The following RIF1 variants were observed in gnomAD, a reference collection of about 807,000 sequenced individuals.
RIF1 encodes replication timing regulatory factor 1.
In RIF1, 45 loss-of-function variants were observed where a neutral mutation model predicts 247.1. That is an observed-to-expected ratio of 0.18 (90% CI 0.14 to 0.23). RIF1 has a LOEUF of 0.23. Among genes scored for constraint, RIF1 ranks in the 10% least tolerant of loss-of-function variants. The pLI, the probability that RIF1 is intolerant of heterozygous loss-of-function variation, is 1.00. For missense variants in RIF1, 2,967 were observed against 2,862.5 expected, an observed-to-expected ratio of 1.04 and a Z score of -0.83; for synonymous variants, 1,087 against 978.8, an observed-to-expected ratio of 1.11 and a Z score of -2.06.
chr2:151,453,410 C>G (rs140456010), intron 21 of RIF1, among the ~76,000 whole-genome samples: 2 of 151,938 alleles, frequency 1.3e-5, no homozygotes, highest in Non-Finnish European at 2.9e-5. Context: ...CAACCTGTCT[C>G]TACTAAAAAT....
chr2:151,434,373 T>C (rs1042216500), intron 10 of RIF1, among the ~76,000 whole-genome samples: 1 of 151,084 alleles, frequency 6.6e-6, no homozygotes, highest in Non-Finnish European at 1.5e-5. Flanking sequence ...CATTTAGATA[T>C]AAAGTTTAAT....
chr2:151,419,742 A>G (rs778667004), intron 6 of RIF1, among the ~76,000 whole-genome samples: 18 of 152,218 alleles, frequency 1.2e-4, no homozygotes, highest in Non-Finnish European at 2.5e-4. Flanking sequence ...AGAAACATGA[A>G]TAATGTATTG....
In RIF1 at chr2:151,416,594, A is replaced by G. The variant is rs111667021; in HGVS notation, c.314A>G (p.Asn105Ser). 14 of 1,605,500 alleles carry G rather than the reference A, an allele frequency of 8.7e-6. No individual in the cohort carries two copies. Among genetic ancestry groups the G allele is most frequent in the African/African-American group, 5.4e-5 (4 of 74,520 alleles). The stretch of plus-strand genomic sequence containing the variant: ...GCTCTAGAATTGCTTTCAAAATTGA[A>G]TGATACCATTAAGAATTCAGACAAA... ...ANALELLSKLNDTIKNSDKNV... is the reference protein window; with the variant it reads ...ANALELLSKLSDTIKNSDKNV... The change falls in exon 5 of 36, where the codon AAT becomes AGT. Residue 105 changes from asparagine to serine, a missense_variant. By Grantham distance (46) the Asn-to-Ser change is conservative. Around this residue, in one of 7 missense-constraint regions of RIF1, gnomAD observed 269 missense variants for 288.6 expected, o/e 0.93. Transcript: ENST00000444746.
chr2:151,522,484 A>G, the RIF1 span, among the ~76,000 whole-genome samples: 1 of 152,252 alleles, frequency 6.6e-6, no homozygotes, highest in African/African-American at 2.4e-5. Flanking sequence ...CACATACATT[A>G]GGAGTCCATC....
rs1173543660 is a variant in RIF1, at chr2:151,478,898, G to C, written c.*3827G>C. The C allele has an allele frequency of 3.2e-5, 4 of 125,432 alleles. No individual in the cohort carries two copies. Among genetic ancestry groups the C allele is most frequent in the African/African-American group, 1.2e-4 (4 of 34,458 alleles). 7.8% of individuals were successfully genotyped at this position (125,432 alleles called of 1,614,324 possible). Reference sequence around the variant, plus strand: ...AAAACTTGGGTGGGGGGAGGAGACTGTTTCCTCATTGCTGCAACCCATGGT... The same window carrying C: ...AAAACTTGGGTGGGGGGAGGAGACTCTTTCCTCATTGCTGCAACCCATGGT... On this transcript the variant is annotated 3_prime_UTR_variant, in exon 36 of 36. Transcript: ENST00000444746.
At chr2:151,437,142 AAAC>A in intron 12 of RIF1, 96 bp from the exon 13 acceptor site, 1 of 1,226,144 alleles carries the variant, frequency 8.2e-7, no homozygotes, top group Non-Finnish European at 1.2e-6. Flanking sequence ...TTTTTATAGA[AAAC>A]ACACCTACTT....
At chr2:151,453,954 C>T (rs912703539) in intron 21 of RIF1, among the ~76,000 whole-genome samples, 11 of 152,114 alleles carry the variant, frequency 7.2e-5, no homozygotes, top group Admixed American at 1.3e-4. Flanking sequence ...TTTCATTACC[C>T]TCAATGTATT....
the RIF1 span, chr2:151,531,913 A>G: frequency 1.8e-5 from 28 of 1,518,598 alleles, no homozygotes; most frequent in African/African-American, 3.4e-4. Flanking sequence ...TGTGGAAGAG[A>G]AGAAAGAGCT....
chr2:151,506,965 C>A lies in RIF1; in HGVS notation c.*1027+590C>A, dbSNP rs1553601424. ...CGCAGTATTTCTGGCGTGTCTTGAACAACTGTAATTTTTCCTTTACTGTTT... is the reference window on the plus strand; with the variant it reads ...CGCAGTATTTCTGGCGTGTCTTGAAAAACTGTAATTTTTCCTTTACTGTTT... On this transcript the variant is annotated intron_variant and NMD_transcript_variant, in intron 13 of 13. Transcript: ENST00000454583. 3 of 1,611,480 alleles carry A rather than the reference C, an allele frequency of 1.9e-6. No individual in the cohort carries two copies. Among genetic ancestry groups the A allele is most frequent in the Non-Finnish European group, 2.5e-6 (3 of 1,178,406 alleles).
intron 30 of RIF1, among the ~76,000 whole-genome samples, chr2:151,466,772 A>G (rs1696970882): frequency 6.6e-6 from 1 of 152,256 alleles, no homozygotes. Context: ...AACTTGTCTT[A>G]TACTTAACAA....
chr2:151,432,971 T>C (rs1690453331), intron 9 of RIF1, 106 bp from the exon 10 acceptor site: 2 of 878,712 alleles, frequency 2.3e-6, no homozygotes, highest in East Asian at 2.7e-5. Context: ...TTAAAAAAAT[T>C]TTAAAATACG....
At chr2:151,484,626 A>C (rs2049396504), downstream of RIF1, among the ~76,000 whole-genome samples, 1 of 152,216 alleles carries the variant, frequency 6.6e-6, no homozygotes, top group African/African-American at 2.4e-5. Context: ...TGTAATGGAG[A>C]TAGCATATAC....
Position 151,502,097 on chromosome 2 carries a change from T to C in RIF1, c.*710-937T>C, listed in dbSNP as rs116010361. Among the ~76,000 whole-genome samples the C allele has an allele frequency of 7.3e-3, 1,118 of 152,300 alleles. 18 individuals carry two copies. The highest frequency in any genetic ancestry group is 0.026 in the African/African-American group (1,072 of 41,566). On this transcript the variant is annotated intron_variant and NMD_transcript_variant, in intron 11 of 13. Transcript: ENST00000454583. ...CCTCTAATGAGATTGGAGACTAGTATTGTAAGTGAAGTAACTCAGGAATGG... is the reference window on the plus strand; with the variant it reads ...CCTCTAATGAGATTGGAGACTAGTACTGTAAGTGAAGTAACTCAGGAATGG...
rs963367467 is a variant in RIF1, at chr2:151,482,102, A to G, written c.*7031A>G. The stretch of plus-strand genomic sequence containing the variant: ...GAGGGTTAACTGTTATCACTTGCCA[A>G]TGGAAACTGGATATTGAAACATTTT... On this transcript the variant is annotated 3_prime_UTR_variant, in exon 36 of 36. Coordinates refer to ENST00000444746, the MANE Select transcript of RIF1 (RefSeq NM_018151.5). 4 of 152,226 alleles carry G rather than the reference A, an allele frequency of 2.6e-5. No individual in the cohort carries two copies. The highest frequency in any genetic ancestry group is 4.4e-5 in the Non-Finnish European group (3 of 68,046). The allele number at this position is 152,226 out of a possible 1,614,324, so 9.4% of individuals were successfully genotyped here.
chr2:151,511,870 T>G (rs1256101907), downstream of RIF1, among the ~76,000 whole-genome samples: 1 of 152,190 alleles, frequency 6.6e-6, no homozygotes, highest in Non-Finnish European at 1.5e-5. Flanking sequence ...TTCTTCCAGA[T>G]CTGCGCACAC....
the RIF1 span, among the ~76,000 whole-genome samples, chr2:151,529,675 C>T: frequency 1.3e-4 from 20 of 152,180 alleles, no homozygotes; most frequent in African/African-American, 4.6e-4. Context: ...GGACCACAGG[C>T]ATGCGCCACC....
chr2:151,461,103 A>G lies in RIF1; in HGVS notation c.3076-35A>G, dbSNP rs759569217. The G allele has an allele frequency of 1.9e-6, 3 of 1,582,092 alleles. No individual in the cohort carries two copies. The East Asian group carries it at 6.7e-5, about 36-fold the overall frequency. ...AATATTGGAAAATAATTTGGAAGCT[A>G]AAATGTACATTTGCTTATTTTTTCA... is the stretch of plus-strand genomic sequence containing the variant. On this transcript the variant is annotated intron_variant, in intron 26 of 35. Transcript: ENST00000444746.
In RIF1 at chr2:151,469,869, A is replaced by C; in HGVS notation, c.7095+5A>C. 6.9e-6 allele frequency: 11 copies of C among 1,587,718 alleles called. No individual in the cohort carries two copies. Among genetic ancestry groups the C allele is most frequent in the Non-Finnish European group, 9.4e-6 (11 of 1,167,928 alleles). ...AGAATATATCATGAGCAGCAGGTAA[A>C]AACTTAGATATTAGCTATGATGTAT... On this transcript the variant is annotated splice_donor_5th_base_variant and intron_variant, in intron 34 of 35. Coordinates refer to ENST00000444746, the MANE Select transcript of RIF1 (RefSeq NM_018151.5).
downstream of RIF1, chr2:151,485,678 T>G (rs1559057773): frequency 2.3e-6 from 3 of 1,332,722 alleles, no homozygotes; most frequent in Non-Finnish European, 3.1e-6. Flanking sequence ...CTTGAGAACT[T>G]AGGTAACAGT....
Sources: allele counts gnomAD v4.1 joint callset (sites outside exome capture counted in the v4.1 genomes callset), GRCh38; gene constraint gnomAD v4.1.1; regional missense constraint gnomAD v4.1.1; transcripts MANE v1.5; gene names NCBI Gene and HGNC (gene_info 2026-07-23, HGNC 2026-07-21).